Variants in UGT2A1 observed in about 807,000 individuals in gnomAD.
The protein encoded by UGT2A1 is UDP glucuronosyltransferase family 2 member A1 complex locus.
UGT2A1 carries 61 observed loss-of-function variants against 45.4 expected under a neutral mutation model. The observed-to-expected ratio is 1.34, with a 90% CI of 1.09 to 1.66. The LOEUF is 1.66. Among genes scored for constraint, UGT2A1 ranks in the 40% most tolerant of loss-of-function variants. The pLI, the probability that UGT2A1 is intolerant of heterozygous loss-of-function variation, is 0.00. For synonymous variants in UGT2A1, 229 were observed against 196.2 expected (o/e 1.17, Z -1.40); for missense variants, 649 against 574.3 (o/e 1.13, Z -1.33).
At chr4:69,598,815 A>G (rs1398448642) in intron 4 of UGT2A1, among the ~76,000 whole-genome samples, 1 of 152,108 alleles carries the variant, frequency 6.6e-6, no homozygotes, top group Non-Finnish European at 1.5e-5. Flanking sequence ...GTCTTTCTTC[A>G]ATAATGACCT....
chr4:69,617,615 A>T (rs1720481593), intron 3 of UGT2A1, among the ~76,000 whole-genome samples: 1 of 151,818 alleles, frequency 6.6e-6, no homozygotes, highest in Non-Finnish European at 1.5e-5. Context: ...ATAAGTTAAA[A>T]TAATGATATA....
At position 69,646,883 on chromosome 4, in the gene UGT2A1, G is replaced by A. The variant is rs375661909; in HGVS notation, c.715+47C>T. 234 of 1,340,568 alleles carry A rather than the reference G, an allele frequency of 1.7e-4. 4 individuals are homozygous for A. In the South Asian group the frequency reaches 3.1e-3, roughly 18 times the overall value. 83.0% of individuals were successfully genotyped at this position (1,340,568 alleles called of 1,614,324 possible). On this transcript the variant is annotated intron_variant, in intron 2 of 6. Transcript: ENST00000286604. ...GAAATAAAGAAGAGGCTCTACAAAG[G>A]TCTGTTTGTTCAAATTCAAGTAATA...
chr4:69,591,878 CA>C (rs567879456), intron 6 of UGT2A1, among the ~76,000 whole-genome samples: 52 of 152,140 alleles, frequency 3.4e-4, no homozygotes, highest in African/African-American at 1.2e-3. Context: ...TCATTAAAGT[CA>C]AAAAAAGATC....
chr4:69,639,733 TCA>T (rs1721950042), intron 2 of UGT2A1: 2 of 1,259,650 alleles, frequency 1.6e-6, no homozygotes, highest in Admixed American at 6.4e-5. Flanking sequence ...ATGGTTACAC[TCA>T]GTCGTAGGTC....
chr4:69,642,505 T>C (rs962045137), intron 2 of UGT2A1, among the ~76,000 whole-genome samples: 1 of 151,804 alleles, frequency 6.6e-6, no homozygotes, highest in African/African-American at 2.4e-5. Context: ...AAGATTCCAG[T>C]GCATTTTTTC....
intron 3 of UGT2A1, among the ~76,000 whole-genome samples, chr4:69,613,257 C>T (rs1357877431): frequency 1.3e-5 from 2 of 151,956 alleles, no homozygotes; most frequent in East Asian, 1.9e-4. Flanking sequence ...GATACCTAGA[C>T]ATATATAGCC....
intron 2 of UGT2A1, among the ~76,000 whole-genome samples, chr4:69,637,140 T>A (rs963304941): frequency 6.6e-6 from 1 of 152,158 alleles, no homozygotes; most frequent in Non-Finnish European, 1.5e-5. Flanking sequence ...TTTGAAGGCA[T>A]ATAAAATTTG....
At chr4:69,637,257 C>G (rs959975097) in intron 2 of UGT2A1, among the ~76,000 whole-genome samples, 1 of 152,016 alleles carries the variant, frequency 6.6e-6, no homozygotes, top group African/African-American at 2.4e-5. Flanking sequence ...AAAATAAACT[C>G]AAATTTTATT....
At chr4:69,633,926 A>C (rs1721525015) in intron 3 of UGT2A1, among the ~76,000 whole-genome samples, 1 of 152,092 alleles carries the variant, frequency 6.6e-6, no homozygotes, top group South Asian at 2.1e-4. Context: ...TTTAGGATTT[A>C]TGTTTTGCAG....
At chr4:69,591,506 G>A (rs987513120) in intron 6 of UGT2A1, among the ~76,000 whole-genome samples, 4 of 152,256 alleles carry the variant, frequency 2.6e-5, no homozygotes, top group Admixed American at 2.0e-4. Flanking sequence ...AAGCCTTCAG[G>A]TAGTAGGCTT....
At chr4:69,643,438 G>C (rs556721826) in intron 2 of UGT2A1, among the ~76,000 whole-genome samples, 13 of 151,660 alleles carry the variant, frequency 8.6e-5, no homozygotes, top group Admixed American at 2.6e-4. Flanking sequence ...ATTTTAACAT[G>C]TTTGATATTT....
intron 3 of UGT2A1, among the ~76,000 whole-genome samples, chr4:69,605,851 C>A (rs1177233488): frequency 7.3e-6 from 1 of 136,908 alleles, no homozygotes; most frequent in Non-Finnish European, 1.6e-5. Flanking sequence ...TTGACACGTA[C>A]ACCCTCCCAA....
At chr4:69,608,359 G>T (rs954565325) in intron 3 of UGT2A1, among the ~76,000 whole-genome samples, 1 of 142,756 alleles carries the variant, frequency 7.0e-6, no homozygotes, top group Non-Finnish European at 1.5e-5. Flanking sequence ...TCATAGGAGG[G>T]AATTGAACAA....
At position 69,595,370 on chromosome 4, in the gene UGT2A1, G is replaced by A; in HGVS notation, c.997-121C>T. On this transcript the variant is annotated intron_variant, in intron 4 of 6. Coordinates refer to ENST00000286604, the MANE Select transcript of UGT2A1 (RefSeq NM_001252275.3). ...GAAGACGGGAATTACATAAGCAGTA[G>A]TTTACAAACGTTGAGATACGTAGTA... is the stretch of plus-strand genomic sequence containing the variant. The A allele has an allele frequency of 2.7e-6, 3 of 1,126,580 alleles. No individual in the cohort carries two copies. In the South Asian group the frequency reaches 4.5e-5, roughly 17 times the overall value. 69.8% of individuals were successfully genotyped at this position (1,126,580 alleles called of 1,614,324 possible).
chr4:69,629,260 G>T (rs942251546), intron 3 of UGT2A1, among the ~76,000 whole-genome samples: 1 of 152,038 alleles, frequency 6.6e-6, no homozygotes, highest in Non-Finnish European at 1.5e-5. Context: ...CTAGCACTAT[G>T]AATAGCGTTC....
At chr4:69,625,881 A>C (rs1721025226) in intron 3 of UGT2A1, among the ~76,000 whole-genome samples, 1 of 151,506 alleles carries the variant, frequency 6.6e-6, no homozygotes, top group Non-Finnish European at 1.5e-5. Flanking sequence ...GCATTCTTTA[A>C]CCCAGATACA....
chr4:69,592,238 T>C (rs750936352), intron 6 of UGT2A1, among the ~76,000 whole-genome samples: 1 of 152,132 alleles, frequency 6.6e-6, no homozygotes, highest in Non-Finnish European at 1.5e-5. Context: ...GTGAATGAAA[T>C]ATTAAAGCTA....
rs572259414 is a variant in UGT2A1, at chr4:69,637,236, T to C, written c.716-1414A>G. Among the ~76,000 whole-genome samples, 6 of 152,258 alleles carry C rather than the reference T, an allele frequency of 3.9e-5. No individual in the cohort carries two copies. In the South Asian group the frequency reaches 8.3e-4, roughly 21 times the overall value. On this transcript the variant is annotated intron_variant, in intron 2 of 6. Coordinates refer to ENST00000286604, the MANE Select transcript of UGT2A1 (RefSeq NM_001252275.3). ...AACTATACTTGTAAAATTTTAGTTA[T>C]AGCATCTTCAAAAATAAACTCAAAT... is the stretch of plus-strand genomic sequence containing the variant.
At chr4:69,631,066 A>G (rs1327289400) in intron 3 of UGT2A1, among the ~76,000 whole-genome samples, 15 of 152,160 alleles carry the variant, frequency 9.9e-5, no homozygotes, top group Non-Finnish European at 2.1e-4. Flanking sequence ...TTCTTAAACT[A>G]TAACACTACT....
Sources: gnomAD v4.1 joint callset for allele counts (sites outside exome capture counted in the v4.1 genomes callset) on GRCh38, gnomAD v4.1.1 for gene constraint, MANE v1.5 for transcripts, NCBI Gene and HGNC (gene_info 2026-07-23, HGNC 2026-07-21) for gene names.